Variants in LUZP2 observed in about 807,000 individuals in gnomAD.
LUZP2 encodes leucine zipper protein 2.
In LUZP2, 52 loss-of-function variants were observed where a neutral mutation model predicts 51.6. That is an observed-to-expected ratio of 1.01 (90% CI 0.81 to 1.27). LUZP2 has a LOEUF of 1.27. Ranked by LOEUF, LUZP2 falls within the 50% of genes most tolerant of loss-of-function variation. The pLI is 0.00. For synonymous variants in LUZP2, 154 were observed against 137.3 expected (o/e 1.12, Z -0.85); for missense variants, 436 against 395.4 (o/e 1.10, Z -0.87).
chr11:24,842,006 A>G (rs1590625437), intron 5 of LUZP2, among the ~76,000 whole-genome samples: 1 of 152,036 alleles, frequency 6.6e-6, no homozygotes, highest in South Asian at 2.1e-4. Context: ...CAAAACATCC[A>G]TTTTAATTAT....
chr11:25,024,379 A>T (rs1446711410), intron 9 of LUZP2, among the ~76,000 whole-genome samples: 1 of 152,098 alleles, frequency 6.6e-6, no homozygotes, highest in Non-Finnish European at 1.5e-5. Flanking sequence ...AGATGACATG[A>T]TTGTATATTT....
intron 9 of LUZP2, among the ~76,000 whole-genome samples, chr11:25,033,325 G>A (rs1857751914): frequency 6.6e-6 from 1 of 152,146 alleles, no homozygotes; most frequent in Non-Finnish European, 1.5e-5. Flanking sequence ...GGTATGCTAA[G>A]GAAAGCATGG....
At chr11:24,658,514 G>C (rs1263644717) in intron 1 of LUZP2, among the ~76,000 whole-genome samples, 3 of 152,076 alleles carry the variant, frequency 2.0e-5, no homozygotes, top group Non-Finnish European at 4.4e-5. Flanking sequence ...CATAGGCATG[G>C]GCAAGGACTT....
intron 10 of LUZP2, among the ~76,000 whole-genome samples, chr11:25,058,189 T>C (rs969796467): frequency 6.6e-6 from 1 of 151,932 alleles, no homozygotes; most frequent in African/African-American, 2.4e-5. Context: ...CAGGAATCCC[T>C]CCAAATAGTG....
chr11:24,731,269 T>C (rs956290379), intron 2 of LUZP2, among the ~76,000 whole-genome samples: 18 of 151,856 alleles, frequency 1.2e-4, no homozygotes, highest in African/African-American at 4.3e-4. Flanking sequence ...ATTTGTTAAA[T>C]AAATATTAAG....
intron 5 of LUZP2, among the ~76,000 whole-genome samples, chr11:24,874,900 A>G (rs61892071): frequency 0.42 from 63,245 of 151,940 alleles, 15,430 homozygotes; most frequent in East Asian, 0.66. Context: ...TTTTTTCCCA[A>G]AATAGCTCTT....
intron 5 of LUZP2, among the ~76,000 whole-genome samples, chr11:24,804,777 C>T (rs1849804102): frequency 6.6e-6 from 1 of 152,118 alleles, no homozygotes; most frequent in Non-Finnish European, 1.5e-5. Flanking sequence ...GCTTTCTCTT[C>T]AGATGCCAAG....
At chr11:24,899,231 G>A (rs1407603271) in intron 5 of LUZP2, among the ~76,000 whole-genome samples, 5 of 151,718 alleles carry the variant, frequency 3.3e-5, no homozygotes, top group African/African-American at 9.7e-5. Context: ...ATAATGGTTC[G>A]CTCATCTTCA....
intron 1 of LUZP2, among the ~76,000 whole-genome samples, chr11:24,538,356 T>C (rs1421695732): frequency 4.0e-5 from 6 of 151,736 alleles, no homozygotes. Context: ...TATACAATTA[T>C]AAGAAGAAAA....
rs565466875 is a variant in LUZP2, at chr11:24,747,882, A to G, written c.333+9580A>G. The stretch of plus-strand genomic sequence containing the variant: ...CCTCGCCCAGCTTCCACGCAATCTG[A>G]AGGGCTGGTCTCACTCCCACCGTGT... On this transcript the variant is annotated intron_variant, in intron 4 of 11. Transcript: ENST00000336930. Among the ~76,000 whole-genome samples the G allele has an allele frequency of 5.3e-5, 8 of 152,066 alleles. No homozygotes were observed. In the South Asian group the frequency reaches 1.7e-3, roughly 32 times the overall value.
At chr11:24,583,802 C>T (rs1275497406) in intron 1 of LUZP2, among the ~76,000 whole-genome samples, 8 of 150,688 alleles carry the variant, frequency 5.3e-5, no homozygotes. Context: ...CTTCCGGGTT[C>T]ACACCATTCT....
intron 5 of LUZP2, among the ~76,000 whole-genome samples, chr11:24,856,599 T>C (rs1851574325): frequency 6.6e-6 from 1 of 152,000 alleles, no homozygotes; most frequent in South Asian, 2.1e-4. Flanking sequence ...AGGGAATAAA[T>C]CATTATATCA....
intron 5 of LUZP2, among the ~76,000 whole-genome samples, chr11:24,814,500 C>T (rs1850114169): frequency 6.6e-6 from 1 of 152,132 alleles, no homozygotes; most frequent in Admixed American, 6.5e-5. Flanking sequence ...TTTCCTTGTG[C>T]TGTGAAATGA....
In LUZP2 at chr11:24,574,178, TTTCTTTTC is replaced by T. The variant is rs1489205591; in HGVS notation, c.62+76876_62+76883del. Among the ~76,000 whole-genome samples, 29 of 144,318 alleles carry T rather than the reference TTTCTTTTC, an allele frequency of 2.0e-4. 1 individual carries two copies. The highest frequency in any genetic ancestry group is 3.3e-4 in the African/African-American group (13 of 39,712). 94.7% of individuals were successfully genotyped at this position (144,318 alleles called of 152,430 possible). On this transcript the variant is annotated intron_variant, in intron 1 of 11. Transcript: ENST00000336930. ...TCCTTCTTTCAATTTTCTTTCTTTC[TTTCTTTTC>T]TTTCTTTCTTTCTCTTTCTTCCTTC...
intron 7 of LUZP2, among the ~76,000 whole-genome samples, chr11:24,923,176 T>C (rs1201629500): frequency 6.6e-6 from 1 of 152,062 alleles, no homozygotes; most frequent in Non-Finnish European, 1.5e-5. Flanking sequence ...TCGAAGTATT[T>C]TGATTCCACG....
In LUZP2 at chr11:25,082,425, A is replaced by T. The variant is rs375338791; in HGVS notation, c.*3767A>T. 1 of 152,756 alleles carries T rather than the reference A, an allele frequency of 6.5e-6. No homozygotes were observed. Among genetic ancestry groups the T allele is most frequent in the East Asian group, 1.9e-4 (1 of 5,182 alleles). The allele number at this position is 152,756 out of a possible 1,614,324, so 9.5% of individuals were successfully genotyped here. A position where few individuals can be genotyped will look rare whatever the true frequency, so the allele number is the denominator to read the frequency against. ...ACTGAAATAATTATTGACACCGTAG[A>T]GTACCATAGAGTAGGTTGAACTGGC... On this transcript the variant is annotated 3_prime_UTR_variant, in exon 12 of 12. Transcript: ENST00000336930.
At chr11:24,964,668 C>G (rs896737580) in intron 7 of LUZP2, among the ~76,000 whole-genome samples, 4 of 151,964 alleles carry the variant, frequency 2.6e-5, no homozygotes, top group African/African-American at 9.7e-5. Flanking sequence ...TTACTACCTC[C>G]TAGAACACTT....
chr11:24,715,689 C>A (rs1858016874), intron 1 of LUZP2, among the ~76,000 whole-genome samples: 1 of 152,100 alleles, frequency 6.6e-6, no homozygotes, highest in East Asian at 1.9e-4. Flanking sequence ...TTGGTGATTT[C>A]TTCTAATGTC....
intron 1 of LUZP2, among the ~76,000 whole-genome samples, chr11:24,695,557 G>A (rs1857219638): frequency 6.6e-6 from 1 of 151,934 alleles, no homozygotes; most frequent in African/African-American, 2.4e-5. Flanking sequence ...TAGTACACGA[G>A]AACTTATCTG....
Sources: allele counts gnomAD v4.1 joint callset (sites outside exome capture counted in the v4.1 genomes callset), GRCh38; gene constraint gnomAD v4.1.1; transcripts MANE v1.5; gene names NCBI Gene and HGNC (gene_info 2026-07-23, HGNC 2026-07-21).